Variants in ESR1 observed in about 807,000 individuals in gnomAD.
ESR1 encodes the protein estrogen receptor.
ESR1 carries 12 observed loss-of-function variants against 52.7 expected under a neutral mutation model. That is an observed-to-expected ratio of 0.23 (90% CI 0.15 to 0.37). The LOEUF (loss-of-function observed/expected upper bound fraction) is 0.37, where lower values mean the gene tolerates loss of function less well. Among genes scored for constraint, ESR1 ranks in the 10% least tolerant of loss-of-function variants. ESR1 has a pLI of 1.00. For synonymous variants in ESR1, 305 were observed against 316.8 expected (o/e 0.96, Z 0.39); for missense variants, 584 against 779.7 (o/e 0.75, Z 2.99).
intron 3 of ESR1, among the ~76,000 whole-genome samples, chr6:151,929,465 G>A (rs2033260068): frequency 6.6e-6 from 1 of 151,998 alleles, no homozygotes; most frequent in Admixed American, 6.6e-5. Context: ...CATTTAAAGT[G>A]GGCATTATTA....
intron 2 of ESR1, among the ~76,000 whole-genome samples, chr6:151,767,936 G>T (rs527317980): frequency 6.6e-6 from 1 of 152,292 alleles, no homozygotes; most frequent in African/African-American, 2.4e-5. Context: ...CTATGCGCTA[G>T]AATTAGTTAT....
In ESR1 at chr6:151,862,877, A is replaced by G; in HGVS notation, c.644-17778A>G. ...TGGGATGGTAGCAGAACGAGAAAAG[A>G]AAAGAAGATTGTAGATGCCAGGCTG... On this transcript the variant is annotated intron_variant, in intron 2 of 7. Coordinates refer to ENST00000206249, the MANE Select transcript of ESR1 (RefSeq NM_000125.4). Among the ~76,000 whole-genome samples the G allele has an allele frequency of 1.3e-5, 2 of 152,136 alleles. 1 individual carries two copies. The highest frequency in any genetic ancestry group is 3.9e-4 in the East Asian group (2 of 5,188).
rs747623367 is a variant in ESR1 at position 151,808,111 on chromosome 6, G to T, written c.199G>T (p.Ala67Ser). Residue 67 changes from alanine to serine, a missense_variant, in exon 1 of 8, where the codon GCC (alanine) becomes TCC (serine). Physicochemically the swap from Ala to Ser is moderately conservative, Grantham distance 99. Around this residue, in one of 6 missense-constraint regions of ESR1, gnomAD observed 251 missense variants for 246.1 expected, o/e 1.02. Coordinates refer to ENST00000206249, the MANE Select transcript of ESR1 (RefSeq NM_000125.4). ...GAAYEFNAAA[A>S]ANAQVYGQTG... ...CGCCTACGAGTTCAACGCCGCGGCC[G>T]CCGCCAACGCGCAGGTCTACGGTCA... is the stretch of plus-strand genomic sequence containing the variant. 6 of 1,610,720 alleles carry T rather than the reference G, an allele frequency of 3.7e-6. No individual in the cohort carries two copies. Among genetic ancestry groups the T allele is most frequent in the Non-Finnish European group, 5.1e-6 (6 of 1,179,128 alleles).
Position 152,028,101 on chromosome 6 carries a change from G to A in ESR1, c.1235+16307G>A, listed in dbSNP as rs143083942. The stretch of plus-strand genomic sequence containing the variant: ...AGAGCTTGCAGTGAGCCAAGATCAC[G>A]CCATTGCACTCCAGCCTTGGCGACA... On this transcript the variant is annotated intron_variant, in intron 5 of 7. Coordinates refer to ENST00000206249, the MANE Select transcript of ESR1 (RefSeq NM_000125.4). 2.0e-3 allele frequency among the ~76,000 whole-genome samples: 298 copies of A among 152,218 alleles called. 5 individuals carry two copies. The highest frequency in any genetic ancestry group is 0.015 in the East Asian group (77 of 5,172).
chr6:151,665,142 G>A (rs982125863), intron 1 of ESR1, among the ~76,000 whole-genome samples: 3 of 152,104 alleles, frequency 2.0e-5, no homozygotes, highest in African/African-American at 7.2e-5. Flanking sequence ...GTTTAGGATT[G>A]GTAGAATTAA....
At chr6:152,071,231 A>T (rs200731222) in intron 6 of ESR1, among the ~76,000 whole-genome samples, 33,793 of 151,990 alleles carry the variant, frequency 0.22, 5,515 homozygotes, top group African/African-American at 0.45. Flanking sequence ...ATAACAAGAA[A>T]ATTATTCTTT....
chr6:152,056,803 A>T (rs1165801568), intron 5 of ESR1, among the ~76,000 whole-genome samples: 1 of 152,178 alleles, frequency 6.6e-6, no homozygotes, highest in Admixed American at 6.5e-5. Flanking sequence ...TGGGAGTCAT[A>T]GGCTGGTCTG....
At chr6:151,898,978 G>A (rs1241161795) in intron 3 of ESR1, among the ~76,000 whole-genome samples, 6 of 151,734 alleles carry the variant, frequency 4.0e-5, no homozygotes, top group Non-Finnish European at 7.4e-5. Context: ...AGGGGCGGCC[G>A]GGCAGAGGCG....
At chr6:151,774,983 A>G (rs1382209056) in intron 2 of ESR1, among the ~76,000 whole-genome samples, 1 of 152,214 alleles carries the variant, frequency 6.6e-6, no homozygotes, top group Non-Finnish European at 1.5e-5. Flanking sequence ...TTAAGAAGAT[A>G]ATGAGTTGAG....
Position 151,922,872 on chromosome 6 carries a change from T to C in ESR1, c.761-21301T>C, listed in dbSNP as rs143502708. On this transcript the variant is annotated intron_variant, in intron 3 of 7. Coordinates refer to ENST00000206249, the MANE Select transcript of ESR1 (RefSeq NM_000125.4). Reference sequence around the variant, plus strand: ...AAATATTTCTATTTGTAACCATCTGTATCTATCTTAGGCTAAACCTGAGTA... The same window carrying C: ...AAATATTTCTATTTGTAACCATCTGCATCTATCTTAGGCTAAACCTGAGTA... Among the ~76,000 whole-genome samples the C allele has an allele frequency of 2.1e-3, 321 of 152,324 alleles. 1 individual carries two copies. Among genetic ancestry groups the C allele is most frequent in the Non-Finnish European group, 3.6e-3 (244 of 68,030 alleles).
intron 4 of ESR1, among the ~76,000 whole-genome samples, chr6:151,956,039 A>T (rs890083792): frequency 6.6e-6 from 1 of 152,168 alleles, no homozygotes; most frequent in East Asian, 1.9e-4. Flanking sequence ...CATGTTCCTG[A>T]AAAGGACATG....
chr6:152,078,642 G>A (rs1240036472), intron 6 of ESR1, among the ~76,000 whole-genome samples: 1 of 152,146 alleles, frequency 6.6e-6, no homozygotes, highest in Non-Finnish European at 1.5e-5. Flanking sequence ...TGCAGCCCAC[G>A]GAGGGTGAGC....
intron 2 of ESR1, among the ~76,000 whole-genome samples, chr6:151,724,161 G>A (rs906264011): frequency 4.6e-5 from 7 of 152,070 alleles, no homozygotes; most frequent in Admixed American, 1.3e-4. Flanking sequence ...AAGGCTGGGG[G>A]TAGGCTGGGA....
chr6:151,978,016 C>G (rs2039623602), intron 4 of ESR1, among the ~76,000 whole-genome samples: 1 of 145,786 alleles, frequency 6.9e-6, no homozygotes, highest in Non-Finnish European at 1.5e-5. Context: ...AGACTCATAC[C>G]TACAAAACTT....
chr6:151,895,417 T>C (rs1428671676), intron 3 of ESR1, among the ~76,000 whole-genome samples: 1 of 152,194 alleles, frequency 6.6e-6, no homozygotes, highest in Non-Finnish European at 1.5e-5. Flanking sequence ...CGGCTAGGAC[T>C]TCTGGTACTG....
rs147851788 is a variant in ESR1, at chr6:151,762,572, T to G, written c.-70-45271T>G. On this transcript the variant is annotated intron_variant, in intron 2 of 2. Coordinates refer to the ESR1 transcript ENST00000404742. ...CAAGTTCTCAGTAAAATGGAGATAATTATAGAACTTACTTCATAGAGCTTT... is the reference window on the plus strand; with the variant it reads ...CAAGTTCTCAGTAAAATGGAGATAAGTATAGAACTTACTTCATAGAGCTTT... 5.3e-5 allele frequency among the ~76,000 whole-genome samples: 8 copies of G among 152,318 alleles called. No individual in the cohort carries two copies. In the East Asian group the frequency reaches 1.5e-3, roughly 29 times the overall value.
At chr6:151,847,994 C>T (rs1371406050) in intron 2 of ESR1, among the ~76,000 whole-genome samples, 4 of 131,150 alleles carry the variant, frequency 3.0e-5, no homozygotes, top group East Asian at 4.5e-4. Context: ...ACCCAAAGGA[C>T]TATAAATCAT....
chr6:151,988,952 A>G (rs2128706516), intron 4 of ESR1, among the ~76,000 whole-genome samples: 1 of 152,236 alleles, frequency 6.6e-6, no homozygotes, highest in Non-Finnish European at 1.5e-5. Context: ...TTAAAAGATT[A>G]CACACTGGCA....
chr6:152,005,787 A>G (rs1463428211), intron 4 of ESR1, among the ~76,000 whole-genome samples: 1 of 152,086 alleles, frequency 6.6e-6, no homozygotes, highest in African/African-American at 2.4e-5. Flanking sequence ...TCATGACTTC[A>G]TTACTTCTGC....
Sources: allele counts gnomAD v4.1 joint callset (sites outside exome capture counted in the v4.1 genomes callset), GRCh38; gene constraint gnomAD v4.1.1; regional missense constraint gnomAD v4.1.1; transcripts MANE v1.5; gene names NCBI Gene and HGNC (gene_info 2026-07-23, HGNC 2026-07-21).